The following CFAP61 variants were observed in gnomAD, a reference collection of about 807,000 sequenced individuals.
CFAP61 encodes cilia- and flagella-associated protein 61.
CFAP61 carries 107 observed loss-of-function variants against 135.6 expected under a neutral mutation model. The observed-to-expected ratio is 0.79, with a 90% CI of 0.67 to 0.93. The LOEUF (loss-of-function observed/expected upper bound fraction) is 0.93. CFAP61 is among the 40% of genes least tolerant of loss of function. The probability of loss-of-function intolerance (pLI) is 0.00; values close to 1 mark genes in which losing one functional copy is unlikely to be tolerated. For synonymous variants in CFAP61, 575 were observed against 578.5 expected, an observed-to-expected ratio of 0.99 and a Z score of 0.09; for missense variants, 1,507 against 1,556.2, an observed-to-expected ratio of 0.97 and a Z score of 0.53.
At chr20:20,182,064 G>C (rs73605602) in intron 13 of CFAP61, among the ~76,000 whole-genome samples, 1 of 152,100 alleles carries the variant, frequency 6.6e-6, no homozygotes, top group African/African-American at 2.4e-5. Flanking sequence ...TCATTGAAGC[G>C]GACTTTGTTT....
At chr20:20,296,316 CTCCTTCCTTCCCTTCCT>C (rs2055548109) in intron 24 of CFAP61, among the ~76,000 whole-genome samples, 1 of 36,118 alleles carries the variant, frequency 2.8e-5, no homozygotes, top group Non-Finnish European at 5.0e-5. Context: ...CCTTCCTTCC[CTCCTTCCTTCCCTTCCT>C]TCCTTCCTTG....
At chr20:20,347,204 T>G (rs1417428922) in intron 26 of CFAP61, among the ~76,000 whole-genome samples, 1 of 152,090 alleles carries the variant, frequency 6.6e-6, no homozygotes, top group African/African-American at 2.4e-5. Flanking sequence ...AATAGATGAA[T>G]GAAAACTAAG....
intron 13 of CFAP61, among the ~76,000 whole-genome samples, chr20:20,170,610 T>C (rs1423637215): frequency 6.6e-6 from 1 of 152,220 alleles, no homozygotes; most frequent in Non-Finnish European, 1.5e-5. Context: ...ATAAAGTTGA[T>C]GCACAATCTT....
intron 8 of CFAP61, among the ~76,000 whole-genome samples, chr20:20,124,958 C>G (rs1173241420): frequency 2.0e-5 from 3 of 151,608 alleles, no homozygotes; most frequent in African/African-American, 7.3e-5. Context: ...AGGGTTTTAT[C>G]TTTCCAGGAA....
chr20:20,225,004 G>A (rs1437725270), intron 17 of CFAP61, among the ~76,000 whole-genome samples: 1 of 152,154 alleles, frequency 6.6e-6, no homozygotes, highest in East Asian at 1.9e-4. Flanking sequence ...CAGATGTTCA[G>A]AGGGAGAAAA....
chr20:20,278,696 C>G (rs531732321), intron 22 of CFAP61, among the ~76,000 whole-genome samples: 3 of 152,050 alleles, frequency 2.0e-5, no homozygotes, highest in African/African-American at 2.4e-5. Flanking sequence ...AATGGTGGCT[C>G]TCACCCCCAC....
At chr20:20,281,221 A>G (rs1466799949) in intron 22 of CFAP61, among the ~76,000 whole-genome samples, 2 of 152,100 alleles carry the variant, frequency 1.3e-5, no homozygotes, top group African/African-American at 4.8e-5. Flanking sequence ...CTTTTCTGAT[A>G]TTTAGGTCTT....
Position 20,288,895 on chromosome 20 carries a change from T to A in CFAP61, c.3083T>A (p.Leu1028His). 6.2e-7 allele frequency: 1 copy of A among 1,613,054 alleles called. No individual in the cohort carries two copies. Among genetic ancestry groups the A allele is most frequent in the East Asian group, 2.2e-5 (1 of 44,834 alleles). ...LEPVTEPPAN[L>H]DRLIPMYKGA... ...CCTGTGACCGAGCCACCAGCTAATC[T>A]TGACCGGCTCATCCCCATGTACAAG... The change falls in exon 23 of 27, where the codon CTT (leucine) becomes CAT (histidine). Residue 1028 changes from leucine to histidine, a missense_variant. Physicochemically the swap from Leu to His is moderately conservative, Grantham distance 99. Transcript: ENST00000245957.
At chr20:20,150,413 C>T (rs2052305272) in intron 9 of CFAP61, among the ~76,000 whole-genome samples, 1 of 152,200 alleles carries the variant, frequency 6.6e-6, no homozygotes, top group Non-Finnish European at 1.5e-5. Flanking sequence ...CTGGTGCTCT[C>T]TCGAAAGTGC....
chr20:20,151,355 A>AAAT (rs55747451), intron 9 of CFAP61, among the ~76,000 whole-genome samples: 1 of 151,512 alleles, frequency 6.6e-6, no homozygotes, highest in Non-Finnish European at 1.5e-5. Flanking sequence ...CAAAAAAAAA[A>AAAT]GAATTATTAA....
chr20:20,346,957 C>A (rs1359482069), intron 26 of CFAP61, among the ~76,000 whole-genome samples: 1 of 152,300 alleles, frequency 6.6e-6, no homozygotes, highest in South Asian at 2.1e-4. Context: ...AATGCACATT[C>A]TTCTCAAGTG....
intron 13 of CFAP61, among the ~76,000 whole-genome samples, chr20:20,170,181 G>A (rs2054123860): frequency 6.6e-6 from 1 of 152,176 alleles, no homozygotes. Context: ...GTAATACGGA[G>A]TGCTGGATGA....
At chr20:20,197,031 G>A (rs2056339602) in intron 16 of CFAP61, among the ~76,000 whole-genome samples, 2 of 152,134 alleles carry the variant, frequency 1.3e-5, no homozygotes, top group Admixed American at 6.5e-5. Flanking sequence ...ACAAAATAGA[G>A]ACTGAAAACT....
At chr20:20,336,940 C>T (rs1295198766) in intron 25 of CFAP61, among the ~76,000 whole-genome samples, 1 of 152,236 alleles carries the variant, frequency 6.6e-6, no homozygotes, top group East Asian at 1.9e-4. Context: ...GGCTTTCTCT[C>T]ACCATGGTAC....
chr20:20,179,572 A>C (rs1179207355), intron 13 of CFAP61, among the ~76,000 whole-genome samples: 4 of 152,228 alleles, frequency 2.6e-5, no homozygotes, highest in Non-Finnish European at 5.9e-5. Flanking sequence ...CAGAATAGCC[A>C]AGGCAATCCT....
chr20:20,325,674 A>AACATGT (rs2122275216), intron 25 of CFAP61, among the ~76,000 whole-genome samples: 1 of 152,380 alleles, frequency 6.6e-6, no homozygotes, highest in East Asian at 1.9e-4. Context: ...AAACTGCTGT[A>AACATGT]ACATGTACAA....
chr20:20,143,037 A>G, intron 9 of CFAP61, 89 bp downstream of exon 9: 1 of 760,164 alleles, frequency 1.3e-6, no homozygotes, highest in Non-Finnish European at 2.2e-6. Context: ...TGCTGGCGTC[A>G]CTACGGAGAA....
intron 8 of CFAP61, among the ~76,000 whole-genome samples, chr20:20,100,939 T>C (rs1010332491): frequency 6.6e-6 from 1 of 152,186 alleles, no homozygotes; most frequent in African/African-American, 2.4e-5. Context: ...GTAAAAGAAA[T>C]AGGAAAACTT....
intron 8 of CFAP61, among the ~76,000 whole-genome samples, chr20:20,103,228 A>G (rs1281165089): frequency 1.3e-5 from 2 of 152,220 alleles, no homozygotes; most frequent in East Asian, 3.9e-4. Flanking sequence ...CTACCTTAAA[A>G]AAAAAGTTTC....
Sources: allele counts gnomAD v4.1 joint callset (sites outside exome capture counted in the v4.1 genomes callset), GRCh38; gene constraint gnomAD v4.1.1; transcripts MANE v1.5; gene names NCBI Gene and HGNC (gene_info 2026-07-23, HGNC 2026-07-21).